The following HHLA1 variants were observed in gnomAD, a reference collection of about 807,000 sequenced individuals.
HHLA1 encodes the protein HERV-H LTR-associating protein 1.
In HHLA1, 72 loss-of-function variants were observed where a neutral mutation model predicts 69.9. That is an observed-to-expected ratio of 1.03 (90% CI 0.85 to 1.25). HHLA1 has a LOEUF of 1.25. HHLA1 is among the 50% of genes most tolerant of loss of function. The pLI is 0.00. For missense variants in HHLA1, 685 were observed against 642.2 expected (o/e 1.07, Z -0.72); for synonymous variants, 252 against 233.2 (o/e 1.08, Z -0.73).
chr8:132,067,398 G>A (rs1225501129), intron 15 of HHLA1, among the ~76,000 whole-genome samples: 1 of 152,184 alleles, frequency 6.6e-6, no homozygotes, highest in Non-Finnish European at 1.5e-5. Context: ...GAATGGGCAG[G>A]AAATGGAACC....
intron 10 of HHLA1, among the ~76,000 whole-genome samples, chr8:132,084,171 C>T (rs993419866): frequency 6.6e-6 from 1 of 152,072 alleles, no homozygotes; most frequent in Non-Finnish European, 1.5e-5. Context: ...TGGGGGAGGG[C>T]TAGTCAGGGA....
chr8:132,100,818 T>A (rs1270310594), intron 3 of HHLA1, among the ~76,000 whole-genome samples: 1 of 152,108 alleles, frequency 6.6e-6, no homozygotes, highest in Non-Finnish European at 1.5e-5. Context: ...TGTCAGGGGA[T>A]GGAGAAGGCC....
Position 132,100,166 on chromosome 8 carries a change from G to A in HHLA1, c.140-32C>T, listed in dbSNP as rs758618616. On this transcript the variant is annotated intron_variant, in intron 3 of 16. Coordinates refer to ENST00000414222, the MANE Select transcript of HHLA1 (RefSeq NM_001145095.3). ...AGGAGACAGTTTTCATGAGAAAAATGTGAGTGGTCCAGTTCCTACCCCCAG... is the reference window on the plus strand; with the variant it reads ...AGGAGACAGTTTTCATGAGAAAAATATGAGTGGTCCAGTTCCTACCCCCAG... 5.4e-6 allele frequency: 8 copies of A among 1,479,094 alleles called. 1 individual carries two copies. Among genetic ancestry groups the A allele is most frequent in the Non-Finnish European group, 7.4e-6 (8 of 1,080,604 alleles). 91.6% of individuals were successfully genotyped at this position (1,479,094 alleles called of 1,614,324 possible).
chr8:132,093,589 C>A (rs1311413761), intron 7 of HHLA1, among the ~76,000 whole-genome samples: 2 of 152,180 alleles, frequency 1.3e-5, no homozygotes, highest in East Asian at 3.9e-4. Flanking sequence ...TTGCTATGAC[C>A]TACCAGAGGA....
In HHLA1 at chr8:132,062,570, C is replaced by G. The variant is rs1195151456; in HGVS notation, c.*1425G>C. ...AGTGGAGAAGGAGCACCAGGCACATCAGGAGAAAAACTGTCCCTGGTAATG... is the reference window on the plus strand; with the variant it reads ...AGTGGAGAAGGAGCACCAGGCACATGAGGAGAAAAACTGTCCCTGGTAATG... On this transcript the variant is annotated 3_prime_UTR_variant, in exon 17 of 17. Coordinates refer to ENST00000414222, the MANE Select transcript of HHLA1 (RefSeq NM_001145095.3). The G allele has an allele frequency of 1.3e-5, 2 of 152,288 alleles. No individual in the cohort carries two copies. The highest frequency in any genetic ancestry group is 1.5e-5 in the Non-Finnish European group (1 of 68,146). 9.4% of individuals were successfully genotyped at this position (152,288 alleles called of 1,614,324 possible).
intron 16 of HHLA1, among the ~76,000 whole-genome samples, chr8:132,064,688 T>C (rs921040373): frequency 1.3e-5 from 2 of 152,004 alleles, no homozygotes; most frequent in African/African-American, 2.4e-5. Flanking sequence ...AAGAGGTAAA[T>C]GGAAACACAG....
intron 14 of HHLA1, among the ~76,000 whole-genome samples, chr8:132,071,926 G>T (rs1250439279): frequency 6.6e-6 from 1 of 152,082 alleles, no homozygotes; most frequent in African/African-American, 2.4e-5. Flanking sequence ...GGGTACATGT[G>T]TGTGCATGTG....
intron 11 of HHLA1, among the ~76,000 whole-genome samples, chr8:132,078,177 CACACACACACA>C (rs1701416907): frequency 1.1e-5 from 1 of 89,546 alleles, no homozygotes; most frequent in African/African-American, 7.0e-5. Flanking sequence ...AATAAACACA[CACACACACACA>C]CACACACACA....
At position 132,077,881 on chromosome 8, in the gene HHLA1, C is replaced by CTGAT; in HGVS notation, c.1012_1015dup (p.Ser339AsnfsTer3). 1 of 1,551,540 alleles carries CTGAT rather than the reference C, an allele frequency of 6.4e-7. No homozygotes were observed. Among genetic ancestry groups the CTGAT allele is most frequent in the East Asian group, 2.4e-5 (1 of 40,898 alleles). On this transcript the variant is annotated frameshift_variant, in exon 12 of 17. Coordinates refer to ENST00000414222, the MANE Select transcript of HHLA1 (RefSeq NM_001145095.3). LOFTEE classifies it high-confidence loss of function. ...GAGAGACCCTCCAGGTTTTTTCTCACTGATGGTCTGAGCCCAGGGCACGGA... is the reference window on the plus strand; with the variant it reads ...GAGAGACCCTCCAGGTTTTTTCTCACTGATTGATGGTCTGAGCCCAGGGCACGGA...
chr8:132,084,689 A>G (rs1419238604), intron 10 of HHLA1, among the ~76,000 whole-genome samples: 2 of 151,774 alleles, frequency 1.3e-5, no homozygotes, highest in Non-Finnish European at 2.9e-5. Context: ...AAGGGATAAG[A>G]AGGAGGAATG....
intron 4 of HHLA1, 47 bp from the exon 5 acceptor site, chr8:132,099,009 A>G: frequency 7.4e-7 from 1 of 1,357,516 alleles, no homozygotes; most frequent in Non-Finnish European, 1.0e-6. Context: ...TTTCTCGGCA[A>G]GAGAAAAAGT....
In HHLA1 at chr8:132,076,051, T is replaced by C; in HGVS notation, c.1315+4A>G. 1 of 1,548,616 alleles carries C rather than the reference T, an allele frequency of 6.5e-7. No individual in the cohort carries two copies. Among genetic ancestry groups the C allele is most frequent in the Non-Finnish European group, 8.7e-7 (1 of 1,144,308 alleles). On this transcript the variant is annotated splice_donor_region_variant and intron_variant, in intron 14 of 16. Transcript: ENST00000414222. ...AATAGTAATGACTGGGCACTGGTAC[T>C]TACTTGAAACTTGATGGGGTCTTGG...
chr8:132,078,112 CTT>C, intron 11 of HHLA1, 141 bp from the exon 12 acceptor site: 1 of 883,494 alleles, frequency 1.1e-6, no homozygotes, highest in Non-Finnish European at 1.7e-6. Flanking sequence ...GGGGCTTAAA[CTT>C]TACTCTGAAC....
chr8:132,086,801 T>G (rs1351383313), intron 10 of HHLA1, among the ~76,000 whole-genome samples: 1 of 152,160 alleles, frequency 6.6e-6, no homozygotes, highest in Non-Finnish European at 1.5e-5. Context: ...CATAGCATAA[T>G]CAAAAGATGC....
At chr8:132,107,043 A>C (rs1367088003) in intron 1 of HHLA1, among the ~76,000 whole-genome samples, 1 of 152,172 alleles carries the variant, frequency 6.6e-6, no homozygotes, top group Non-Finnish European at 1.5e-5. Flanking sequence ...AATATGGTAG[A>C]TATTAGGAAT....
chr8:132,087,602 G>A (rs1007383953), intron 10 of HHLA1, 51 bp downstream of exon 10: 4 of 1,204,738 alleles, frequency 3.3e-6, no homozygotes, highest in Non-Finnish European at 3.6e-6. Context: ...GTGCCAGGTG[G>A]GACCCTGGTC....
chr8:132,104,112 T>G lies in HHLA1; in HGVS notation c.135A>C (p.Thr45=). The G allele has an allele frequency of 6.5e-7, 1 of 1,548,286 alleles. No homozygotes were observed. The highest frequency in any genetic ancestry group is 8.7e-7 in the Non-Finnish European group (1 of 1,143,864). The change falls in exon 3 of 17, where the codon ACA becomes ACC. Residue 45 remains threonine, a synonymous_variant. Transcript: ENST00000414222. ...GAGCCCTTATCACCCACTTACCTGT[T>G]GTAGGTAAAAAGGTCATTCCCTTCT... ...KKEKGMTFLP[T]TVSGLREEER... is the part of the protein sequence containing the mutation.
chr8:132,068,704 C>T (rs918568018), intron 15 of HHLA1, among the ~76,000 whole-genome samples: 26 of 152,206 alleles, frequency 1.7e-4, no homozygotes, highest in African/African-American at 6.0e-4. Flanking sequence ...AGCTGCTGCA[C>T]GCACTGTGGA....
chr8:132,111,089 A>G lies in HHLA1; in HGVS notation c.-22+13T>C, dbSNP rs1345097896. 1 of 152,112 alleles carries G rather than the reference A, an allele frequency of 6.6e-6. No individual in the cohort carries two copies. Among genetic ancestry groups the G allele is most frequent in the Non-Finnish European group, 1.5e-5 (1 of 68,042 alleles). 9.4% of individuals were successfully genotyped at this position (152,112 alleles called of 1,614,324 possible). On this transcript the variant is annotated intron_variant, in intron 1 of 16. Transcript: ENST00000414222. ...CCAAAAGAGTTTTAAAATACCTACC[A>G]TATACTACTTACCTATCTTCTGAGC...
Sources: allele counts gnomAD v4.1 joint callset (sites outside exome capture counted in the v4.1 genomes callset), GRCh38; gene constraint gnomAD v4.1.1; transcripts MANE v1.5; gene names NCBI Gene and HGNC (gene_info 2026-07-23, HGNC 2026-07-21).